The following SOX5 variants were observed in gnomAD, a reference collection of about 807,000 sequenced individuals.
SOX5 encodes transcription factor SOX-5.
Under a neutral mutation model 92.0 loss-of-function variants are expected in SOX5, and 9 were observed. The ratio of observed to expected loss-of-function variants is 0.10; its 90% CI spans 0.06 to 0.17. SOX5 has a LOEUF of 0.17. Ranked by LOEUF, SOX5 falls within the 10% of genes least tolerant of loss-of-function variation. The probability of loss-of-function intolerance (pLI) is 1.00; values close to 1 mark genes in which losing one functional copy is unlikely to be tolerated. For synonymous variants in SOX5, 344 were observed against 336.3 expected (o/e 1.02, Z -0.25); for missense variants, 642 against 944.5 (o/e 0.68, Z 4.20).
At chr12:24,006,261 C>T (rs1952150332) in intron 4 of SOX5, among the ~76,000 whole-genome samples, 1 of 152,136 alleles carries the variant, frequency 6.6e-6, no homozygotes, top group Non-Finnish European at 1.5e-5. Context: ...GAAAGAGAAT[C>T]TTTTAATGTA....
In SOX5 at chr12:23,873,625, C is replaced by A. The variant is rs570574286; in HGVS notation, c.270+22168G>T. 7.2e-5 allele frequency among the ~76,000 whole-genome samples: 11 copies of A among 152,292 alleles called. No individual in the cohort carries two copies. The South Asian group carries it at 2.3e-3, about 32-fold the overall frequency. On this transcript the variant is annotated intron_variant, in intron 2 of 14. Transcript: ENST00000451604. The stretch of plus-strand genomic sequence containing the variant: ...CTCACCAACCGCTCAATTGTAATTT[C>A]TTTTTCATATACACTAAATGTCCAT...
At chr12:23,930,913 C>A (rs1288255648) in intron 1 of SOX5, among the ~76,000 whole-genome samples, 1 of 151,686 alleles carries the variant, frequency 6.6e-6, no homozygotes, top group African/African-American at 2.4e-5. Flanking sequence ...ACACACAGAA[C>A]AGGATTAGGA....
intron 2 of SOX5, among the ~76,000 whole-genome samples, chr12:24,302,202 C>T (rs905716983): frequency 6.6e-6 from 1 of 152,094 alleles, no homozygotes; most frequent in Non-Finnish European, 1.5e-5. Flanking sequence ...ATACTGATTC[C>T]CATTTTGTCC....
At chr12:23,799,708 A>G (rs1351871397) in intron 3 of SOX5, among the ~76,000 whole-genome samples, 1 of 152,060 alleles carries the variant, frequency 6.6e-6, no homozygotes, top group Non-Finnish European at 1.5e-5. Context: ...AGTACACAAT[A>G]AAGAAAATAT....
Position 23,786,190 on chromosome 12 carries a change from G to A in SOX5, c.482-30466C>T, listed in dbSNP as rs1040504768. Among the ~76,000 whole-genome samples the A allele has an allele frequency of 3.9e-5, 6 of 151,966 alleles. No individual in the cohort carries two copies. The East Asian group carries it at 1.2e-3, about 29-fold the overall frequency. ...GGATATGAATCTTAAGAAATTATTG[G>A]TTTATCCCACAACAGCTAGTGTTTC... On this transcript the variant is annotated intron_variant, in intron 3 of 14. Coordinates refer to ENST00000451604, the MANE Select transcript of SOX5 (RefSeq NM_006940.6).
intron 2 of SOX5, among the ~76,000 whole-genome samples, chr12:24,355,961 T>C (rs1954778525): frequency 6.6e-6 from 1 of 152,152 alleles, no homozygotes; most frequent in Non-Finnish European, 1.5e-5. Flanking sequence ...TTTTAAAAAA[T>C]AGAAAGATGC....
intron 10 of SOX5, among the ~76,000 whole-genome samples, chr12:23,569,983 G>A (rs916924030): frequency 2.6e-5 from 4 of 152,276 alleles, no homozygotes; most frequent in Middle Eastern, 3.4e-3. Context: ...CACATTCTAA[G>A]TTGAAAGTAT....
intron 9 of SOX5, among the ~76,000 whole-genome samples, chr12:23,578,146 A>AAAAAAAAAAAAC (rs1565984217): frequency 7.3e-6 from 1 of 137,408 alleles, no homozygotes; most frequent in African/African-American, 2.6e-5. Flanking sequence ...AAAAAAAAAA[A>AAAAAAAAAAAAC]AAAACTATAG....
chr12:24,224,554 T>G (rs966272290), intron 3 of SOX5, among the ~76,000 whole-genome samples: 3 of 151,000 alleles, frequency 2.0e-5, no homozygotes, highest in African/African-American at 4.9e-5. Context: ...TGTGTGTGTG[T>G]GTGGGTGTGT....
chr12:24,392,862 TGGACACAG>T (rs1207237301), intron 1 of SOX5, among the ~76,000 whole-genome samples: 4 of 152,098 alleles, frequency 2.6e-5, no homozygotes, highest in Non-Finnish European at 5.9e-5. Flanking sequence ...TTTCTCCCTG[TGGACACAG>T]GGAGAAACAT....
chr12:23,618,414 T>C (rs550177770), intron 8 of SOX5, among the ~76,000 whole-genome samples: 1 of 152,276 alleles, frequency 6.6e-6, no homozygotes, highest in South Asian at 2.1e-4. Flanking sequence ...TGGGGGGTAG[T>C]AATCAAGCCA....
At chr12:23,605,164 T>C (rs1191662553) in intron 8 of SOX5, among the ~76,000 whole-genome samples, 1 of 152,138 alleles carries the variant, frequency 6.6e-6, no homozygotes, top group Non-Finnish European at 1.5e-5. Flanking sequence ...TCTTGACGAC[T>C]AAGGTTTTAA....
chr12:24,268,680 C>T (rs966658813), intron 3 of SOX5, among the ~76,000 whole-genome samples: 3 of 152,248 alleles, frequency 2.0e-5, no homozygotes, highest in Non-Finnish European at 4.4e-5. Context: ...CAATTAGGTG[C>T]ACAGGTATGT....
chr12:24,301,588 A>G (rs576595586), intron 2 of SOX5, among the ~76,000 whole-genome samples: 49 of 152,328 alleles, frequency 3.2e-4, no homozygotes, highest in African/African-American at 1.2e-3. Flanking sequence ...ATAAAACAGT[A>G]TAAAGCAAAG....
intron 3 of SOX5, among the ~76,000 whole-genome samples, chr12:23,807,192 A>G (rs769195062): frequency 1.2e-4 from 19 of 152,226 alleles, no homozygotes; most frequent in Admixed American, 9.2e-4. Flanking sequence ...GAAATGGTCA[A>G]TTGGCCCATC....
chr12:23,868,823 A>G (rs973321956), intron 2 of SOX5, among the ~76,000 whole-genome samples: 3 of 152,116 alleles, frequency 2.0e-5, no homozygotes, highest in Admixed American at 2.0e-4. Context: ...TTTTGAGTAT[A>G]AACTAAATAA....
chr12:24,556,604 A>T (rs1953810009), intron 1 of SOX5, among the ~76,000 whole-genome samples: 2 of 152,226 alleles, frequency 1.3e-5, no homozygotes, highest in Admixed American at 6.5e-5. Flanking sequence ...ATCTCAATAA[A>T]TTTTCACTAG....
intron 1 of SOX5, among the ~76,000 whole-genome samples, chr12:23,922,532 A>C (rs1938609644): frequency 6.6e-6 from 1 of 152,194 alleles, no homozygotes; most frequent in South Asian, 2.1e-4. Context: ...TGTCTTACAA[A>C]TATTACTCTC....
chr12:24,532,270 G>C (rs1365618446), intron 1 of SOX5, among the ~76,000 whole-genome samples: 2 of 152,078 alleles, frequency 1.3e-5, no homozygotes, highest in East Asian at 3.9e-4. Flanking sequence ...TCTCTGTCCT[G>C]CCTTAAGGTC....
Sources: gnomAD v4.1 joint callset for allele counts (sites outside exome capture counted in the v4.1 genomes callset) on GRCh38, gnomAD v4.1.1 for gene constraint, MANE v1.5 for transcripts, NCBI Gene and HGNC (gene_info 2026-07-23, HGNC 2026-07-21) for gene names.